Variants in VPS13B observed in about 807,000 individuals in gnomAD.
The protein encoded by VPS13B is vacuolar protein sorting 13 homolog B.
A neutral mutation model predicts 426.4 loss-of-function variants in VPS13B; 285 were observed. That is an observed-to-expected ratio of 0.67 (90% confidence interval 0.61 to 0.74). The LOEUF is 0.74. Ranked by LOEUF, VPS13B falls within the 30% of genes least tolerant of loss-of-function variation. The probability of loss-of-function intolerance (pLI) is 0.00; values close to 1 mark genes in which losing one functional copy is unlikely to be tolerated. For missense variants in VPS13B, 4,537 were observed against 4,782.6 expected (o/e 0.95, Z 1.51); for synonymous variants, 1,676 against 1,676.4 (o/e 1.00, Z 0.01).
chr8:99,626,261 C>T (rs6985574), intron 33 of VPS13B, among the ~76,000 whole-genome samples: 28,479 of 151,942 alleles, frequency 0.19, 3,253 homozygotes, highest in East Asian at 0.45. Flanking sequence ...TACTTGACCA[C>T]AAAAAAGCAA....
chr8:99,526,793 A>G (rs1443968360), intron 30 of VPS13B, among the ~76,000 whole-genome samples: 1 of 152,202 alleles, frequency 6.6e-6, no homozygotes, highest in Non-Finnish European at 1.5e-5. Context: ...TTTATGTCAA[A>G]TTAAACCAGT....
rs900393864 is a variant in VPS13B at position 99,595,524 on chromosome 8, G to A, written c.5220+17891G>A. Among the ~76,000 whole-genome samples, 3 of 151,872 alleles carry A rather than the reference G, an allele frequency of 2.0e-5. No individual in the cohort carries two copies. In the South Asian group the frequency reaches 6.2e-4, roughly 31 times the overall value. ...AGCTAAAACTATAAAAATCCTTGAAGAAACTATAGGTGAAAATGTTCATGA... is the reference window on the plus strand; with the variant it reads ...AGCTAAAACTATAAAAATCCTTGAAAAAACTATAGGTGAAAATGTTCATGA... On this transcript the variant is annotated intron_variant, in intron 33 of 61. Coordinates refer to ENST00000357162, the MANE Select transcript of VPS13B (RefSeq NM_152564.5).
In VPS13B at chr8:99,044,653, C is replaced by T. The variant is rs368072240; in HGVS notation, c.291+6087C>T. On this transcript the variant is annotated intron_variant, in intron 3 of 61. Transcript: ENST00000357162. ...GTCTTTTATCCCTTACCTCTTTCCC[C>T]CAAGTCCCCAAAGTCCATTGTGTCA... is the stretch of plus-strand genomic sequence containing the variant. Among the ~76,000 whole-genome samples the T allele has an allele frequency of 9.9e-5, 15 of 152,144 alleles. No homozygotes were observed. In the East Asian group the frequency reaches 2.5e-3, roughly 26 times the overall value.
Position 99,111,090 on chromosome 8 carries a change from CT to C in VPS13B, c.581-3del. 6.3e-7 allele frequency: 1 copy of C among 1,579,240 alleles called. No homozygotes were observed. The highest frequency in any genetic ancestry group is 8.6e-7 in the Non-Finnish European group (1 of 1,163,554). On this transcript the variant is annotated splice_polypyrimidine_tract_variant and splice_region_variant and intron_variant, in intron 5 of 61. Transcript: ENST00000357162. The stretch of plus-strand genomic sequence containing the variant: ...CTTTTTACTTAAAATGTTTTTTTTT[CT>C]TTTTAGCAACTGATTTGGTGCTGAG...
intron 21 of VPS13B, among the ~76,000 whole-genome samples, chr8:99,398,685 A>C (rs948317673): frequency 1.3e-5 from 2 of 152,208 alleles, no homozygotes; most frequent in African/African-American, 4.8e-5. Context: ...CCATGCACAG[A>C]TGTGAGACTT....
At chr8:99,118,642 C>T (rs952489629) in intron 7 of VPS13B, among the ~76,000 whole-genome samples, 1 of 152,132 alleles carries the variant, frequency 6.6e-6, no homozygotes, top group African/African-American at 2.4e-5. Context: ...AATGGAAACA[C>T]TCAATATGTA....
chr8:99,725,739 A>AT (rs777504330), intron 39 of VPS13B, among the ~76,000 whole-genome samples: 14 of 152,086 alleles, frequency 9.2e-5, no homozygotes, highest in Non-Finnish European at 1.3e-4. Context: ...ATGTGTTTTG[A>AT]TTTTCTACAC....
intron 19 of VPS13B, among the ~76,000 whole-genome samples, chr8:99,370,808 C>T (rs1813136959): frequency 6.6e-6 from 1 of 151,982 alleles, no homozygotes. Flanking sequence ...TGGTGATTCA[C>T]CATTTTGGCC....
At chr8:99,779,948 G>A (rs1811930482) in intron 42 of VPS13B, among the ~76,000 whole-genome samples, 1 of 152,172 alleles carries the variant, frequency 6.6e-6, no homozygotes. Context: ...CAGTTAAGGG[G>A]AAGAGGAGCT....
At chr8:99,178,060 TA>T (rs2132685469) in intron 16 of VPS13B, among the ~76,000 whole-genome samples, 1 of 152,296 alleles carries the variant, frequency 6.6e-6, no homozygotes, top group South Asian at 2.1e-4. Context: ...GCTTGGTTAG[TA>T]ATTATTAAAT....
At chr8:99,091,213 G>C (rs943762621) in intron 3 of VPS13B, among the ~76,000 whole-genome samples, 7 of 152,152 alleles carry the variant, frequency 4.6e-5, no homozygotes, top group Non-Finnish European at 1.0e-4. Context: ...CTTTTACTGA[G>C]TAGCATGGGT....
At chr8:99,495,910 A>G (rs546881754) in intron 25 of VPS13B, among the ~76,000 whole-genome samples, 1 of 152,336 alleles carries the variant, frequency 6.6e-6, no homozygotes, top group South Asian at 2.1e-4. Context: ...TGAGTAGTGC[A>G]TGGCTAGGAA....
intron 46 of VPS13B, 54 bp downstream of exon 46, chr8:99,818,588 C>A: frequency 6.2e-7 from 1 of 1,606,516 alleles, no homozygotes; most frequent in Non-Finnish European, 8.5e-7. Flanking sequence ...CTTTCCTGTT[C>A]TGAAATAAAT....
chr8:99,554,604 T>C (rs1287567636), intron 30 of VPS13B, among the ~76,000 whole-genome samples: 2 of 152,068 alleles, frequency 1.3e-5, no homozygotes, highest in African/African-American at 4.8e-5. Flanking sequence ...GACTGATAAG[T>C]CAATGTGGTA....
At chr8:99,692,282 C>T (rs1249536483) in intron 35 of VPS13B, among the ~76,000 whole-genome samples, 26 of 139,920 alleles carry the variant, frequency 1.9e-4, no homozygotes, top group African/African-American at 3.4e-4. Flanking sequence ...AAATTGACCA[C>T]ATAGTTGGAA....
rs144023532 is a variant in VPS13B at position 99,231,797 on chromosome 8, G to A, written c.2515+38740G>A. Among the ~76,000 whole-genome samples the A allele has an allele frequency of 9.9e-5, 15 of 151,968 alleles. No individual in the cohort carries two copies. In the East Asian group the frequency reaches 2.9e-3, roughly 29 times the overall value. ...TAAAATCGGTAAATTTAACGCCCTG[G>A]GCCAACAACCTTGTATAAATTGCTA... On this transcript the variant is annotated intron_variant, in intron 17 of 61. Transcript: ENST00000357162.
intron 24 of VPS13B, among the ~76,000 whole-genome samples, chr8:99,468,244 G>A (rs1819217087): frequency 6.6e-6 from 1 of 152,088 alleles, no homozygotes; most frequent in South Asian, 2.1e-4. Context: ...AGAACATGCA[G>A]TGTTTGGTTT....
At chr8:99,734,530 G>A (rs1833739226) in intron 39 of VPS13B, among the ~76,000 whole-genome samples, 2 of 152,148 alleles carry the variant, frequency 1.3e-5, no homozygotes, top group Admixed American at 6.5e-5. Context: ...AATAGGAGAT[G>A]GGTGTGAAAA....
At chr8:99,102,906 T>C in intron 4 of VPS13B, 47 bp from the exon 5 acceptor site, 2 of 1,474,406 alleles carry the variant, frequency 1.4e-6, no homozygotes, top group Non-Finnish European at 1.9e-6. Context: ...AATAATTATT[T>C]ACTGAGAGAT....
Sources: gnomAD v4.1 joint callset for allele counts (sites outside exome capture counted in the v4.1 genomes callset) on GRCh38, gnomAD v4.1.1 for gene constraint, MANE v1.5 for transcripts, NCBI Gene and HGNC (gene_info 2026-07-23, HGNC 2026-07-21) for gene names.